AMMECR1: variants seen among roughly 807,000 people sequenced by gnomAD.
The protein encoded by AMMECR1 is nuclear protein AMMECR1.
Under a neutral mutation model 22.5 loss-of-function variants are expected in AMMECR1, and 3 were observed. The observed-to-expected ratio is 0.13, with a 90% CI of 0.06 to 0.35. AMMECR1 has a LOEUF of 0.35. Among genes scored for constraint, AMMECR1 ranks in the 10% least tolerant of loss-of-function variants. The probability of loss-of-function intolerance (pLI) is 1.00; values close to 1 mark genes in which losing one functional copy is unlikely to be tolerated. For synonymous variants in AMMECR1, 130 were observed against 116.7 expected (o/e 1.11, Z -0.74); for missense variants, 235 against 278.7 (o/e 0.84, Z 1.12).
chrX:110,431,666 C>G (rs1488032006), intron 1 of AMMECR1, among the ~76,000 whole-genome samples: 2 of 111,501 alleles, frequency 1.8e-5, no homozygotes, highest in Non-Finnish European at 3.8e-5. Context: ...CAGAAGGTTG[C>G]CCTGATGACT....
intron 1 of AMMECR1, chrX:110,307,266 A>G (rs1163200323): frequency 9.1e-6 from 1 of 109,634 alleles, no homozygotes; most frequent in African/African-American, 3.3e-5. Flanking sequence ...AAAAAAAAGT[A>G]AACTACCATC....
At chrX:110,238,389 C>T (rs772388046) in intron 2 of AMMECR1, among the ~76,000 whole-genome samples, 34 of 111,712 alleles carry the variant, frequency 3.0e-4, no homozygotes, top group African/African-American at 1.1e-3. Context: ...TAGCTCAAGC[C>T]GAGTAGGCGG....
At chrX:110,419,424 C>T (rs752566300) in intron 2 of AMMECR1, among the ~76,000 whole-genome samples, 1 of 112,574 alleles carries the variant, frequency 8.9e-6, no homozygotes, top group African/African-American at 3.2e-5. Context: ...TAGATGCCTC[C>T]TGTTCCTCTC....
intron 2 of AMMECR1, among the ~76,000 whole-genome samples, chrX:110,358,239 G>A (rs2068240687): frequency 9.0e-6 from 1 of 111,194 alleles, no homozygotes; most frequent in Non-Finnish European, 1.9e-5. Flanking sequence ...AGTGTAAAAT[G>A]CAGAGTGTTG....
At chrX:110,339,408 A>G (rs1211136177) in intron 2 of AMMECR1, among the ~76,000 whole-genome samples, 2 of 107,917 alleles carry the variant, frequency 1.9e-5, no homozygotes, top group African/African-American at 6.6e-5. Context: ...TTGTAAAAAA[A>G]AAAAAAAAAA....
intron 2 of AMMECR1, among the ~76,000 whole-genome samples, chrX:110,325,078 T>C (rs1221935247): frequency 1.8e-5 from 2 of 111,844 alleles, no homozygotes; most frequent in Non-Finnish European, 3.8e-5. Flanking sequence ...TTATTCTTCT[T>C]TAAATGTGTG....
intron 1 of AMMECR1, among the ~76,000 whole-genome samples, chrX:110,274,245 A>G (rs2067814129): frequency 8.9e-6 from 1 of 112,080 alleles, no homozygotes; most frequent in Non-Finnish European, 1.9e-5. Flanking sequence ...CCAATGTTTT[A>G]TAAGTGTCAG....
chrX:110,314,176 C>A (rs1277806792), intron 1 of AMMECR1, among the ~76,000 whole-genome samples: 6 of 111,957 alleles, frequency 5.4e-5, no homozygotes, highest in Admixed American at 9.5e-5. Context: ...TGTTAAACTG[C>A]AGACTCTAAT....
chrX:110,435,947 A>C (rs1319594566), intron 1 of AMMECR1, among the ~76,000 whole-genome samples: 1 of 112,564 alleles, frequency 8.9e-6, no homozygotes, highest in Non-Finnish European at 1.9e-5. Flanking sequence ...GGCAAAGAGC[A>C]AATCACAGAA....
chrX:110,318,312 C>T (rs2068064411), upstream of AMMECR1: 2 of 113,051 alleles, frequency 1.8e-5, no homozygotes, highest in Admixed American at 1.9e-4. Context: ...ACTCGTGCCT[C>T]TTCTGAGCCG....
intron 2 of AMMECR1, among the ~76,000 whole-genome samples, chrX:110,356,024 A>G (rs2068228464): frequency 9.0e-6 from 1 of 111,474 alleles, no homozygotes. Context: ...AAATCTTAAA[A>G]AGTGGATATC....
chrX:110,289,265 A>T (rs753402235), intron 1 of AMMECR1, among the ~76,000 whole-genome samples: 1 of 111,555 alleles, frequency 9.0e-6, no homozygotes, highest in African/African-American at 3.3e-5. Flanking sequence ...CACTTAAGGC[A>T]CTGGAGCAAG....
At chrX:110,305,872 A>G (rs1026701549) in intron 1 of AMMECR1, among the ~76,000 whole-genome samples, 2 of 110,567 alleles carry the variant, frequency 1.8e-5, no homozygotes, top group Non-Finnish European at 3.8e-5. Flanking sequence ...AATCACAGCA[A>G]CTCGGGAGGT....
At chrX:110,424,392 T>A (rs765599908) in intron 2 of AMMECR1, among the ~76,000 whole-genome samples, 1 of 111,817 alleles carries the variant, frequency 8.9e-6, no homozygotes, top group East Asian at 2.8e-4. Flanking sequence ...TTTCCAGCAC[T>A]CCTAGGTGCT....
At chrX:110,271,976 G>A (rs918489550) in intron 1 of AMMECR1, among the ~76,000 whole-genome samples, 1 of 111,183 alleles carries the variant, frequency 9.0e-6, no homozygotes, top group Non-Finnish European at 1.9e-5. Context: ...TGTACTTTGG[G>A]AGGCCAAAGC....
intron 1 of AMMECR1, among the ~76,000 whole-genome samples, chrX:110,270,398 T>G (rs993546627): frequency 7.2e-5 from 8 of 111,880 alleles, no homozygotes; most frequent in Non-Finnish European, 1.5e-4. Context: ...AGGCAGACAG[T>G]GCAGAATCAC....
intron 1 of AMMECR1, among the ~76,000 whole-genome samples, chrX:110,312,950 T>C (rs2068030601): frequency 8.9e-6 from 1 of 112,727 alleles, no homozygotes; most frequent in Non-Finnish European, 1.9e-5. Flanking sequence ...GATAGACAGA[T>C]ACATCTTCTG....
chrX:110,365,255 G>T (rs779603832), intron 2 of AMMECR1, among the ~76,000 whole-genome samples: 1 of 111,755 alleles, frequency 8.9e-6, no homozygotes, highest in Non-Finnish European at 1.9e-5. Context: ...TGAAGATAGG[G>T]TCAGGAGCCT....
chrX:110,201,985 G>A (rs1429324329), intron 4 of AMMECR1, among the ~76,000 whole-genome samples: 3 of 111,695 alleles, frequency 2.7e-5, no homozygotes, highest in Non-Finnish European at 3.8e-5. Flanking sequence ...TCATGTTTTC[G>A]CAATCCTCTG....
Sources: allele counts gnomAD v4.1 joint callset (sites outside exome capture counted in the v4.1 genomes callset), GRCh38; gene constraint gnomAD v4.1.1; transcripts MANE v1.5; gene names NCBI Gene and HGNC (gene_info 2026-07-23, HGNC 2026-07-21).